Variants in GALNT17 observed in about 807,000 individuals in gnomAD.
GALNT17 encodes the protein polypeptide N-acetylgalactosaminyltransferase 17.
Under a neutral mutation model 63.7 loss-of-function variants are expected in GALNT17, and 29 were observed. The ratio of observed to expected loss-of-function variants is 0.46; its 90% CI spans 0.34 to 0.62. The LOEUF (loss-of-function observed/expected upper bound fraction) is 0.62. Ranked by LOEUF, GALNT17 falls within the 20% of genes least tolerant of loss-of-function variation. GALNT17 has a pLI of 0.01. For missense variants in GALNT17, 603 were observed against 799.6 expected, an observed-to-expected ratio of 0.75 and a Z score of 2.97; for synonymous variants, 305 against 318.3, an observed-to-expected ratio of 0.96 and a Z score of 0.45.
At chr7:71,503,252 C>T (rs1788210553) in intron 5 of GALNT17, among the ~76,000 whole-genome samples, 1 of 152,120 alleles carries the variant, frequency 6.6e-6, no homozygotes, top group Non-Finnish European at 1.5e-5. Context: ...ATTTACATCA[C>T]TTTTCTGAGC....
intron 5 of GALNT17, among the ~76,000 whole-genome samples, chr7:71,527,767 G>A (rs564420986): frequency 2.2e-4 from 33 of 152,148 alleles, no homozygotes; most frequent in Admixed American, 1.4e-3. Flanking sequence ...GTATGCGCAC[G>A]CGTGCATGCA....
intron 1 of GALNT17, among the ~76,000 whole-genome samples, chr7:71,325,648 GT>G (rs1177195923): frequency 6.6e-6 from 1 of 152,146 alleles, no homozygotes; most frequent in Non-Finnish European, 1.5e-5. Flanking sequence ...TGACTCTTTT[GT>G]TTTGCCACCA....
intron 10 of GALNT17, among the ~76,000 whole-genome samples, chr7:71,711,556 CCTCT>C (rs1329860231): frequency 6.7e-6 from 1 of 150,126 alleles, no homozygotes; most frequent in Non-Finnish European, 1.5e-5. Flanking sequence ...CCTCTCTCTG[CCTCT>C]CTCTCCCTTT....
At chr7:71,674,880 G>A (rs899216577) in intron 8 of GALNT17, among the ~76,000 whole-genome samples, 4 of 152,104 alleles carry the variant, frequency 2.6e-5, no homozygotes, top group African/African-American at 9.7e-5. Context: ...CTGAATCCTC[G>A]GAAGGGGTAA....
chr7:71,315,781 A>G (rs1183436158), intron 1 of GALNT17, among the ~76,000 whole-genome samples: 1 of 152,120 alleles, frequency 6.6e-6, no homozygotes, highest in Non-Finnish European at 1.5e-5. Context: ...GTGCTGTGAA[A>G]CATAGAGTCT....
chr7:71,360,302 C>G lies in GALNT17; in HGVS notation c.422+24569C>G, dbSNP rs533087527. Among the ~76,000 whole-genome samples the G allele has an allele frequency of 2.6e-5, 4 of 152,282 alleles. 1 individual carries two copies. In the South Asian group the frequency reaches 8.3e-4, roughly 32 times the overall value. ...ATCGACCAGATATAAATTATGACTA[C>G]TAACTCGGATAAGATGTGATCTCTA... On this transcript the variant is annotated intron_variant, in intron 2 of 10. Coordinates refer to ENST00000333538, the MANE Select transcript of GALNT17 (RefSeq NM_022479.3).
chr7:71,135,129 G>A (rs753448669), intron 1 of GALNT17, among the ~76,000 whole-genome samples: 2 of 152,100 alleles, frequency 1.3e-5, no homozygotes, highest in Non-Finnish European at 2.9e-5. Flanking sequence ...TGGGATGACA[G>A]GCGTGAGCCA....
chr7:71,628,644 G>T (rs1486320430), intron 6 of GALNT17, among the ~76,000 whole-genome samples: 2 of 152,076 alleles, frequency 1.3e-5, no homozygotes, highest in Non-Finnish European at 2.9e-5. Flanking sequence ...AGCTTATTCA[G>T]AATTGGCCAG....
chr7:71,316,256 G>A (rs896495120), intron 1 of GALNT17, among the ~76,000 whole-genome samples: 2 of 144,942 alleles, frequency 1.4e-5, no homozygotes, highest in African/African-American at 2.8e-5. Context: ...CTGTGGGTCT[G>A]ATCAGGATCC....
chr7:71,192,927 T>A (rs559223908), intron 1 of GALNT17, among the ~76,000 whole-genome samples: 1 of 152,210 alleles, frequency 6.6e-6, no homozygotes, highest in South Asian at 2.1e-4. Context: ...ATTTCTGCGG[T>A]ACCTGGAGAG....
intron 1 of GALNT17, among the ~76,000 whole-genome samples, chr7:71,236,730 C>T (rs1343100466): frequency 1.3e-5 from 2 of 152,136 alleles, no homozygotes; most frequent in East Asian, 1.9e-4. Context: ...GGCCAGCCCT[C>T]GGCGGGGGCA....
chr7:71,440,846 C>T (rs966414843), intron 5 of GALNT17, among the ~76,000 whole-genome samples: 1 of 152,174 alleles, frequency 6.6e-6, no homozygotes, highest in African/African-American at 2.4e-5. Context: ...CTGGAGTTTT[C>T]ATCCTCCGAG....
chr7:71,320,987 G>A (rs754547432), intron 1 of GALNT17, among the ~76,000 whole-genome samples: 5 of 152,126 alleles, frequency 3.3e-5, no homozygotes, highest in Non-Finnish European at 4.4e-5. Flanking sequence ...TAGCCCCTCC[G>A]ATTAGGAATA....
intron 5 of GALNT17, among the ~76,000 whole-genome samples, chr7:71,470,708 A>G (rs10261379): frequency 0.21 from 31,535 of 152,072 alleles, 3,992 homozygotes; most frequent in East Asian, 0.55. Flanking sequence ...ACAAGTGACT[A>G]GGAATCAAAG....
chr7:71,403,177 C>T (rs1373820476), intron 3 of GALNT17, among the ~76,000 whole-genome samples: 3 of 152,150 alleles, frequency 2.0e-5, no homozygotes, highest in Non-Finnish European at 4.4e-5. Context: ...CTTTTAAAAA[C>T]AAGAAGAACA....
chr7:71,226,810 C>T (rs1789687980), intron 1 of GALNT17, among the ~76,000 whole-genome samples: 1 of 152,056 alleles, frequency 6.6e-6, no homozygotes, highest in Admixed American at 6.6e-5. Context: ...AGTGGAGTCA[C>T]AGAGCCTTAT....
intron 1 of GALNT17, among the ~76,000 whole-genome samples, chr7:71,143,143 C>T (rs1031982828): frequency 4.0e-5 from 6 of 149,312 alleles, no homozygotes; most frequent in South Asian, 4.3e-4. Flanking sequence ...TGCTCTTGGC[C>T]GAGTGCAGTG....
At chr7:71,618,468 C>A (rs946586544) in intron 6 of GALNT17, among the ~76,000 whole-genome samples, 3 of 152,138 alleles carry the variant, frequency 2.0e-5, no homozygotes, top group Admixed American at 6.5e-5. Flanking sequence ...CGTGCCATGC[C>A]AGCATCTGTT....
At chr7:71,564,621 C>T (rs1396327510) in intron 5 of GALNT17, among the ~76,000 whole-genome samples, 1 of 151,976 alleles carries the variant, frequency 6.6e-6, no homozygotes, top group African/African-American at 2.4e-5. Flanking sequence ...CAACAGCGAC[C>T]ATCGTCACAC....
Sources: allele counts gnomAD v4.1 joint callset (sites outside exome capture counted in the v4.1 genomes callset), GRCh38; gene constraint gnomAD v4.1.1; transcripts MANE v1.5; gene names NCBI Gene and HGNC (gene_info 2026-07-23, HGNC 2026-07-21).